The following TRRAP variants were observed in gnomAD, a reference collection of about 807,000 sequenced individuals.
TRRAP encodes transformation/transcription domain associated protein, also known as transformation/transcription domain-associated protein.
TRRAP carries 41 observed loss-of-function variants against 438.8 expected under a neutral mutation model. That is an observed-to-expected ratio of 0.09 (90% CI 0.07 to 0.12). TRRAP has a LOEUF of 0.12. Among genes scored for constraint, TRRAP ranks in the 10% least tolerant of loss-of-function variants. The probability of loss-of-function intolerance (pLI) is 1.00; values close to 1 mark genes in which losing one functional copy is unlikely to be tolerated. For missense variants in TRRAP, 3,122 were observed against 5,055.1 expected (o/e 0.62, Z 11.60); for synonymous variants, 1,994 against 1,962.9 (o/e 1.02, Z -0.42).
Position 98,971,953 on chromosome 7 carries a change from C to T in TRRAP, c.7839+8C>T, listed in dbSNP as rs372064016. Reference sequence around the variant, plus strand: ...ACTCTCCGAGAGGTGAAGGTCTGTACGCAGCTTGGAAAGGATTCGTTGCTT... The same window carrying T: ...ACTCTCCGAGAGGTGAAGGTCTGTATGCAGCTTGGAAAGGATTCGTTGCTT... On this transcript the variant is annotated splice_region_variant and intron_variant, in intron 53 of 72. Coordinates refer to ENST00000456197, the MANE Select transcript of TRRAP (RefSeq NM_001375524.1). 19 of 1,613,138 alleles carry T rather than the reference C, an allele frequency of 1.2e-5. No homozygotes were observed. Among genetic ancestry groups the T allele is most frequent in the African/African-American group, 6.7e-5 (5 of 74,862 alleles).
At position 98,993,523 on chromosome 7, in the gene TRRAP, G is replaced by A. The variant is rs1310188477; in HGVS notation, c.9848-15G>A. 6.2e-7 allele frequency: 1 copy of A among 1,606,880 alleles called. No individual in the cohort carries two copies. The highest frequency in any genetic ancestry group is 1.7e-5 in the Admixed American group (1 of 60,018). ...GGTTTTGCGCTGACACTGGCGTTGTGTGTGTTGCTCTCAGATTCTGGACAG... is the reference window on the plus strand; with the variant it reads ...GGTTTTGCGCTGACACTGGCGTTGTATGTGTTGCTCTCAGATTCTGGACAG... On this transcript the variant is annotated splice_polypyrimidine_tract_variant and intron_variant, in intron 65 of 72. Coordinates refer to ENST00000456197, the MANE Select transcript of TRRAP (RefSeq NM_001375524.1).
chr7:98,912,357 A>C, intron 18 of TRRAP, 144 bp downstream of exon 18: 1 of 688,182 alleles, frequency 1.5e-6, no homozygotes, highest in Non-Finnish European at 2.2e-6. Flanking sequence ...TTTTGGGACT[A>C]TAGGCACTCA....
At chr7:98,879,009 C>A (rs1260186143) in intron 1 of TRRAP, among the ~76,000 whole-genome samples, 4 of 151,936 alleles carry the variant, frequency 2.6e-5, no homozygotes, top group African/African-American at 9.7e-5. Context: ...CGGAGGCGCC[C>A]CCCGGCCAAC....
chr7:98,973,456 G>T (rs773974268), intron 53 of TRRAP, among the ~76,000 whole-genome samples: 1 of 152,188 alleles, frequency 6.6e-6, no homozygotes, highest in African/African-American at 2.4e-5. Flanking sequence ...AGTATGTTGT[G>T]CGAGGGGTCA....
At chr7:98,900,457 GT>G in intron 10 of TRRAP, among the ~76,000 whole-genome samples, 166 bp from the exon 11 acceptor site, 1 of 152,214 alleles carries the variant, frequency 6.6e-6, no homozygotes, top group Middle Eastern at 3.4e-3. Flanking sequence ...AAACTTTTAT[GT>G]TATTTGGAAT....
At position 98,901,768 on chromosome 7, in the gene TRRAP, T is replaced by C. The variant is rs532870439; in HGVS notation, c.897+1048T>C. Reference sequence around the variant, plus strand: ...TTGGCCATGTTGCCCAGGCTGGTCTTGAACCCCTGGCCTCAAGTGATCTGC... The same window carrying C: ...TTGGCCATGTTGCCCAGGCTGGTCTCGAACCCCTGGCCTCAAGTGATCTGC... On this transcript the variant is annotated intron_variant, in intron 11 of 72. Transcript: ENST00000456197. Among the ~76,000 whole-genome samples the C allele has an allele frequency of 2.6e-5, 4 of 152,314 alleles. No homozygotes were observed. The South Asian group carries it at 6.2e-4, about 24-fold the overall frequency.
chr7:98,930,496 T>G (rs1232972621), intron 24 of TRRAP, 137 bp from the exon 25 acceptor site: 13 of 1,192,770 alleles, frequency 1.1e-5, no homozygotes, highest in African/African-American at 1.1e-4. Context: ...GAGAATCACT[T>G]GAACCTGGGA....
In TRRAP at chr7:98,893,712, A is replaced by C; in HGVS notation, c.367-86A>C. On this transcript the variant is annotated intron_variant, in intron 5 of 72. Transcript: ENST00000456197. ...AGCAAATCCAATAGTTGGTTGATGG[A>C]AAGTGTGTGTGCAGAAACTGCTGAG... The C allele has an allele frequency of 3.4e-6, 4 of 1,166,762 alleles. No individual in the cohort carries two copies. In the South Asian group the frequency reaches 3.9e-5, roughly 12 times the overall value. The allele number at this position is 1,166,762 out of a possible 1,614,324, so 72.3% of individuals were successfully genotyped here. A position where few individuals can be genotyped will look rare whatever the true frequency, so the allele number is the denominator to read the frequency against.
rs541980624 is a variant in TRRAP at position 98,984,035 on chromosome 7, G to A, written c.9023-58G>A. On this transcript the variant is annotated intron_variant, in intron 60 of 72. Coordinates refer to ENST00000456197, the MANE Select transcript of TRRAP (RefSeq NM_001375524.1). ...TTTCATTTTTTATTTAAGCCTTGTTGTGAAGTGCTTTGAAAGAGGATCGGT... is the reference window on the plus strand; with the variant it reads ...TTTCATTTTTTATTTAAGCCTTGTTATGAAGTGCTTTGAAAGAGGATCGGT... 1,710 of 1,503,274 alleles carry A rather than the reference G, an allele frequency of 1.1e-3. 2 individuals are homozygous for A. Among genetic ancestry groups the A allele is most frequent in the Non-Finnish European group, 1.4e-3 (1,599 of 1,126,208 alleles). The allele number at this position is 1,503,274 out of a possible 1,614,324, so 93.1% of individuals were successfully genotyped here. A position where few individuals can be genotyped will look rare whatever the true frequency, so the allele number is the denominator to read the frequency against.
chr7:98,904,483 C>G (rs1281445722), intron 12 of TRRAP, among the ~76,000 whole-genome samples: 1 of 45,564 alleles, frequency 2.2e-5, no homozygotes, highest in Non-Finnish European at 4.9e-5. Context: ...GACTCTGTCT[C>G]AAAAAAAAAA....
chr7:98,886,471 T>G (rs946953273), intron 3 of TRRAP, among the ~76,000 whole-genome samples: 9 of 151,772 alleles, frequency 5.9e-5, no homozygotes, highest in Non-Finnish European at 8.8e-5. Flanking sequence ...TCTAGAGAGA[T>G]AGAGATAGAT....
intron 8 of TRRAP, 70 bp downstream of exon 8, chr7:98,897,936 T>C (rs534006602): frequency 1.8e-5 from 28 of 1,596,636 alleles, no homozygotes; most frequent in Non-Finnish European, 2.4e-5. Context: ...TTAAACCATT[T>C]TTTTTTCTCT....
intron 28 of TRRAP, among the ~76,000 whole-genome samples, chr7:98,936,730 G>A (rs886744): frequency 6.6e-6 from 1 of 151,910 alleles, no homozygotes; most frequent in African/African-American, 2.4e-5. Context: ...TGTCAGTGGG[G>A]TCTCTCTTCT....
intron 62 of TRRAP, 85 bp downstream of exon 62, chr7:98,985,129 C>T (rs1793095497): frequency 9.9e-7 from 1 of 1,010,130 alleles, no homozygotes; most frequent in Non-Finnish European, 1.5e-6. Context: ...ATGTGAAGCT[C>T]AAGCTAGAAA....
rs781833424 is a variant in TRRAP, at chr7:98,931,576, A to G, written c.3763A>G (p.Thr1255Ala). Residue 1255 changes from threonine (T) to alanine (A), a missense_variant, in exon 26 of 73, where the codon ACT becomes GCT. Around this residue, in one of 24 missense-constraint regions of TRRAP, gnomAD observed 153 missense variants for 223.0 expected, o/e 0.69. Coordinates refer to ENST00000456197, the MANE Select transcript of TRRAP (RefSeq NM_001375524.1). ...LVREVTSPNSTVRKQAMHSLQ... is the reference protein window; with the variant it reads ...LVREVTSPNSAVRKQAMHSLQ... ...TCGAGAAGTCACCTCTCCAAACTCC[A>G]CTGTGAGGAAGCAGGCCATGCATTC... The G allele has an allele frequency of 6.2e-7, 1 of 1,614,164 alleles. No individual in the cohort carries two copies. The highest frequency in any genetic ancestry group is 2.2e-5 in the East Asian group (1 of 44,866).
intron 18 of TRRAP, among the ~76,000 whole-genome samples, chr7:98,914,470 A>G (rs1789425479): frequency 6.6e-6 from 1 of 152,170 alleles, no homozygotes; most frequent in Non-Finnish European, 1.5e-5. Flanking sequence ...TTATCCTCAA[A>G]TAATTCATTT....
At chr7:98,921,434 G>C (rs1345826821) in intron 20 of TRRAP, among the ~76,000 whole-genome samples, 1 of 151,982 alleles carries the variant, frequency 6.6e-6, no homozygotes, top group Non-Finnish European at 1.5e-5. Flanking sequence ...GGAGTGCAGT[G>C]GTGTGATCTC....
At chr7:98,884,247 T>G (rs1243772995) in intron 3 of TRRAP, among the ~76,000 whole-genome samples, 2 of 152,052 alleles carry the variant, frequency 1.3e-5, no homozygotes, top group African/African-American at 4.8e-5. Context: ...CTTTTTGTTT[T>G]TTTTGTTTGT....
chr7:98,921,689 T>G (rs1294914718), intron 20 of TRRAP, 64 bp from the exon 21 acceptor site: 2 of 1,601,838 alleles, frequency 1.2e-6, no homozygotes, highest in Admixed American at 1.7e-5. Context: ...CTTTTGAGTT[T>G]TGATCCGAAC....
Sources: gnomAD v4.1 joint callset for allele counts (sites outside exome capture counted in the v4.1 genomes callset) on GRCh38, gnomAD v4.1.1 for gene constraint, gnomAD v4.1.1 regional missense constraint, MANE v1.5 for transcripts, NCBI Gene and HGNC (gene_info 2026-07-23, HGNC 2026-07-21) for gene names.